Variants in ANKRD26 observed in about 807,000 individuals in gnomAD.
The protein encoded by ANKRD26 is ankyrin repeat domain 26.
Under a neutral mutation model 208.7 loss-of-function variants are expected in ANKRD26, and 141 were observed. That is an observed-to-expected ratio of 0.68 (90% CI 0.59 to 0.78). ANKRD26 has a LOEUF of 0.78. Ranked by LOEUF, ANKRD26 falls within the 30% of genes least tolerant of loss-of-function variation. The pLI, the probability that ANKRD26 is intolerant of heterozygous loss-of-function variation, is 0.00. For missense variants in ANKRD26, 1,889 were observed against 1,938.7 expected, an observed-to-expected ratio of 0.97 and a Z score of 0.48; for synonymous variants, 636 against 660.4, an observed-to-expected ratio of 0.96 and a Z score of 0.57.
At chr10:27,090,566 C>T (rs967526634) in intron 4 of ANKRD26, among the ~76,000 whole-genome samples, 2 of 152,056 alleles carry the variant, frequency 1.3e-5, no homozygotes, top group African/African-American at 4.8e-5. Flanking sequence ...CTCAAGTGCT[C>T]ATCTTTGTAA....
intron 3 of ANKRD26, among the ~76,000 whole-genome samples, 185 bp from the exon 4 acceptor site, chr10:27,092,697 A>T (rs1488512777): frequency 6.6e-6 from 1 of 151,968 alleles, no homozygotes; most frequent in Non-Finnish European, 1.5e-5. Context: ...TCCAAAACTC[A>T]CTTCAAATTT....
In ANKRD26 at chr10:27,014,445, C is replaced by T. The variant is rs549025011; in HGVS notation, c.4724+49G>A. 12 of 1,352,582 alleles carry T rather than the reference C, an allele frequency of 8.9e-6. No homozygotes were observed. In the Admixed American group the frequency reaches 2.4e-4, roughly 27 times the overall value. 83.8% of individuals were successfully genotyped at this position (1,352,582 alleles called of 1,614,324 possible). A position where few individuals can be genotyped will look rare whatever the true frequency, so the allele number is the denominator to read the frequency against. Reference sequence around the variant, plus strand: ...GAACCTAAGAATTATGCTTTCAAGGCAAATTAATGAGCTTAATTTATTTCC... The same window carrying T: ...GAACCTAAGAATTATGCTTTCAAGGTAAATTAATGAGCTTAATTTATTTCC... On this transcript the variant is annotated intron_variant, in intron 31 of 33. Coordinates refer to ENST00000376087, the MANE Select transcript of ANKRD26 (RefSeq NM_014915.3).
chr10:26,973,180 G>C (rs985060825), downstream of ANKRD26, among the ~76,000 whole-genome samples: 9 of 151,960 alleles, frequency 5.9e-5, no homozygotes, highest in Non-Finnish European at 8.8e-5. Flanking sequence ...ATTTCCTTTA[G>C]TTATTAATAA....
the ANKRD26 span, among the ~76,000 whole-genome samples, chr10:26,953,215 G>T: frequency 6.6e-6 from 1 of 151,950 alleles, no homozygotes. Context: ...ATTTGAGGCC[G>T]GGATATCGAG....
chr10:26,996,561 GAA>G (rs1192408502), intron 4 of ANKRD26, among the ~76,000 whole-genome samples: 2 of 152,130 alleles, frequency 1.3e-5, no homozygotes, highest in South Asian at 2.1e-4. Flanking sequence ...TCCATCTCAA[GAA>G]AAAGAGTCTT....
chr10:26,968,450 T>A, the ANKRD26 span, among the ~76,000 whole-genome samples: 2 of 152,222 alleles, frequency 1.3e-5, no homozygotes, highest in Non-Finnish European at 2.9e-5. Flanking sequence ...GTGCTACTTG[T>A]CACTCATATA....
Position 27,077,359 on chromosome 10 carries a change from TA to T in ANKRD26, c.1055del (p.Leu352Ter), listed in dbSNP as rs2055735941. ...DLLPKPSHKS[L>X]ANPGLMKEEP... ...TTACCTTCATAAGACCAGGGTTTGC[TA>T]ACGACTTGTGGGAAGGTTTTGGAAG... is the stretch of plus-strand genomic sequence containing the variant. On this transcript the variant is annotated frameshift_variant, in exon 9 of 34. Coordinates refer to ENST00000376087, the MANE Select transcript of ANKRD26 (RefSeq NM_014915.3). LOFTEE classifies it high-confidence loss of function. The T allele has an allele frequency of 6.2e-7, 1 of 1,613,900 alleles. No individual in the cohort carries two copies. Among genetic ancestry groups the T allele is most frequent in the African/African-American group, 1.3e-5 (1 of 74,928 alleles).
chr10:27,072,015 G>A (rs2055522049), intron 9 of ANKRD26, among the ~76,000 whole-genome samples: 1 of 152,202 alleles, frequency 6.6e-6, no homozygotes, highest in Admixed American at 6.5e-5. Flanking sequence ...GCTCCCAAAT[G>A]AGAGCTGCCA....
At chr10:27,012,416 T>G (rs1338799276) in intron 32 of ANKRD26, among the ~76,000 whole-genome samples, 3 of 152,010 alleles carry the variant, frequency 2.0e-5, no homozygotes, top group Non-Finnish European at 4.4e-5. Flanking sequence ...AAACTAAAAT[T>G]TCTGTTTCCT....
At chr10:27,001,685 C>T (rs949474652), downstream of ANKRD26, among the ~76,000 whole-genome samples, 1 of 152,192 alleles carries the variant, frequency 6.6e-6, no homozygotes, top group Non-Finnish European at 1.5e-5. Flanking sequence ...TGTTCCTTTA[C>T]TGTACAAAGA....
At chr10:26,987,607 G>A (rs1172090873), downstream of ANKRD26, among the ~76,000 whole-genome samples, 1 of 152,170 alleles carries the variant, frequency 6.6e-6, no homozygotes, top group Non-Finnish European at 1.5e-5. Flanking sequence ...TCCTGGGGGT[G>A]AGAAGTTAGT....
rs200016821 is a variant in ANKRD26 at position 27,035,877 on chromosome 10, G to GA, written c.2698-126dup. On this transcript the variant is annotated intron_variant, in intron 23 of 33. Coordinates refer to ENST00000376087, the MANE Select transcript of ANKRD26 (RefSeq NM_014915.3). ...GGTTGCAATAAGTGTATATCCAATT[G>GA]AAAAAAAAAAAGTTGGATCAAAACT... 0.15 allele frequency: 77,614 copies of GA among 508,574 alleles called. 1,727 individuals carry two copies. Among genetic ancestry groups the GA allele is most frequent in the East Asian group, 0.35 (9,627 of 27,472 alleles). The allele number at this position is 508,574 out of a possible 1,614,324, so 31.5% of individuals were successfully genotyped here. A position where few individuals can be genotyped will look rare whatever the true frequency, so the allele number is the denominator to read the frequency against.
chr10:27,051,496 C>A, intron 16 of ANKRD26: 1 of 1,044,476 alleles, frequency 9.6e-7, no homozygotes, highest in South Asian at 3.2e-5. Flanking sequence ...TTCATTACAC[C>A]TGTAACTACT....
chr10:27,060,520 G>A lies in ANKRD26; in HGVS notation c.1483C>T (p.His495Tyr), dbSNP rs1377543920. The A allele has an allele frequency of 1.2e-5, 18 of 1,547,824 alleles. No homozygotes were observed. The highest frequency in any genetic ancestry group is 1.6e-5 in the Non-Finnish European group (18 of 1,123,504). ...AHMESPERYL[H>Y]LKPTIEMKDS... ...AATATAAAACTTATTACCTTCAAGT[G>A]AAGATATCTCTCAGGAGACTCTAAA... Residue 495 changes from histidine to tyrosine, a missense_variant, in exon 14 of 34, where the codon CAC becomes TAC. His to Tyr is a moderately conservative substitution (Grantham distance 83). This residue lies in a region of ANKRD26 where 1,272 missense variants were observed against 1,273.8 expected (regional missense o/e 1.00). Transcript: ENST00000376087.
At chr10:27,095,493 C>T (rs184974305) in intron 1 of ANKRD26, among the ~76,000 whole-genome samples, 2 of 152,288 alleles carry the variant, frequency 1.3e-5, no homozygotes, top group Admixed American at 1.3e-4. Flanking sequence ...CATGGTAAAA[C>T]CCCATCTCTG....
chr10:26,972,659 T>C (rs143254482), downstream of ANKRD26, among the ~76,000 whole-genome samples: 268 of 150,816 alleles, frequency 1.8e-3, 1 homozygote, highest in African/African-American at 4.7e-3. Context: ...GGTGTGATCT[T>C]GGCTCACTGC....
At chr10:27,032,568 G>A (rs576792983) in intron 25 of ANKRD26, among the ~76,000 whole-genome samples, 3 of 151,954 alleles carry the variant, frequency 2.0e-5, no homozygotes, top group Admixed American at 6.6e-5. Context: ...CCCAGGAGGC[G>A]GAGGTTGCAG....
chr10:27,093,949 C>T (rs568898022), intron 1 of ANKRD26, 150 bp from the exon 2 acceptor site: 3 of 722,254 alleles, frequency 4.2e-6, no homozygotes, highest in South Asian at 1.6e-5. Context: ...CCAACCAAAT[C>T]CCAAATTGTA....
chr10:26,990,102 C>T (rs2052459566), downstream of ANKRD26, among the ~76,000 whole-genome samples: 1 of 152,140 alleles, frequency 6.6e-6, no homozygotes, highest in African/African-American at 2.4e-5. Context: ...AGTTTTTGTG[C>T]ATGCATTTTC....
Sources: gnomAD v4.1 joint callset for allele counts (sites outside exome capture counted in the v4.1 genomes callset) on GRCh38, gnomAD v4.1.1 for gene constraint, gnomAD v4.1.1 regional missense constraint, MANE v1.5 for transcripts, NCBI Gene and HGNC (gene_info 2026-07-23, HGNC 2026-07-21) for gene names.